Variants in PITPNC1 observed in about 807,000 individuals in gnomAD.
The protein encoded by PITPNC1 is cytoplasmic phosphatidylinositol transfer protein 1.
PITPNC1 carries 18 observed loss-of-function variants against 44.7 expected under a neutral mutation model. The ratio of observed to expected loss-of-function variants is 0.40; its 90% CI spans 0.28 to 0.60. PITPNC1 has a LOEUF of 0.60. Ranked by LOEUF, PITPNC1 falls within the 20% of genes least tolerant of loss-of-function variation. The pLI, the probability that PITPNC1 is intolerant of heterozygous loss-of-function variation, is 0.39. For missense variants in PITPNC1, 290 were observed against 418.4 expected (o/e 0.69, Z 2.68); for synonymous variants, 141 against 149.6 (o/e 0.94, Z 0.42).
chr17:67,583,895 GTT>G (rs869109859), intron 5 of PITPNC1, among the ~76,000 whole-genome samples: 23,239 of 136,228 alleles, frequency 0.17, 2,132 homozygotes, highest in South Asian at 0.26. Context: ...GTGTGTGTGT[GTT>G]TGTGTGTGTG....
chr17:67,499,166 C>T (rs1189943548), intron 1 of PITPNC1, among the ~76,000 whole-genome samples: 2 of 151,346 alleles, frequency 1.3e-5, no homozygotes, highest in East Asian at 3.9e-4. Context: ...GAGCCACGTG[C>T]CCAGCCCGTA....
At chr17:67,625,734 G>T (rs1462644869) in intron 5 of PITPNC1, among the ~76,000 whole-genome samples, 1 of 152,154 alleles carries the variant, frequency 6.6e-6, no homozygotes, top group East Asian at 1.9e-4. Context: ...AAGCCAAGGA[G>T]CAAGACAGAG....
chr17:67,653,075 A>T (rs1375634524), intron 6 of PITPNC1, among the ~76,000 whole-genome samples: 1 of 152,158 alleles, frequency 6.6e-6, no homozygotes, highest in Admixed American at 6.5e-5. Flanking sequence ...TGAGGTCAGG[A>T]GTTCAAGACC....
At chr17:67,635,018 G>A (rs901204212) in intron 6 of PITPNC1, among the ~76,000 whole-genome samples, 10 of 152,162 alleles carry the variant, frequency 6.6e-5, no homozygotes, top group African/African-American at 2.4e-4. Context: ...AGGAGGCGGT[G>A]GTTACAGTGA....
intron 1 of PITPNC1, among the ~76,000 whole-genome samples, chr17:67,436,908 G>GTTTTTTT (rs1044625193): frequency 1.3e-4 from 9 of 68,458 alleles, no homozygotes; most frequent in South Asian, 6.3e-4. Context: ...AAATAGGGGT[G>GTTTTTTT]TTTTTTTTTT....
chr17:67,380,361 C>T (rs1183480593), intron 1 of PITPNC1, among the ~76,000 whole-genome samples: 2 of 152,198 alleles, frequency 1.3e-5, no homozygotes, highest in Non-Finnish European at 1.5e-5. Context: ...AGGCATGAGC[C>T]ACTGCGCCCA....
chr17:67,668,883 A>C (rs1419494864), intron 6 of PITPNC1, among the ~76,000 whole-genome samples: 2 of 152,160 alleles, frequency 1.3e-5, no homozygotes, highest in East Asian at 3.9e-4. Context: ...AGAAAGAAAA[A>C]AAGAGAAAAG....
rs1380540532 is a variant in PITPNC1, at chr17:67,631,673, A to ATATAT, written c.367-470_367-469insTATAT. On this transcript the variant is annotated intron_variant, in intron 5 of 8. Coordinates refer to ENST00000581322, the MANE Select transcript of PITPNC1 (RefSeq NM_012417.4). ...AAAAAAAAAAATATATATATATATA[A>ATATAT]AATATATATTTTTAACATATATATA... 4.1e-3 allele frequency among the ~76,000 whole-genome samples: 214 copies of ATATAT among 52,482 alleles called. 4 individuals carry two copies. Among genetic ancestry groups the ATATAT allele is most frequent in the African/African-American group, 0.01 (166 of 15,956 alleles). The allele number at this position is 52,482 out of a possible 152,430, so 34.4% of individuals were successfully genotyped here.
chr17:67,387,293 CT>C (rs1181326294), intron 1 of PITPNC1, among the ~76,000 whole-genome samples: 1 of 152,230 alleles, frequency 6.6e-6, no homozygotes, highest in Non-Finnish European at 1.5e-5. Context: ...TTATACCAAA[CT>C]CATGGGTTTA....
chr17:67,451,095 G>A (rs539908556), intron 1 of PITPNC1, among the ~76,000 whole-genome samples: 3 of 152,146 alleles, frequency 2.0e-5, no homozygotes, highest in East Asian at 1.9e-4. Flanking sequence ...GCAGTGGCAC[G>A]ATCTTGGCTC....
chr17:67,532,813 A>G lies in PITPNC1; in HGVS notation c.60A>G (p.Gly20=). The G allele has an allele frequency of 6.4e-7, 1 of 1,565,338 alleles. No homozygotes were observed. The highest frequency in any genetic ancestry group is 8.7e-7 in the Non-Finnish European group (1 of 1,154,994). ...MPLTVDEYKI[G]QLYMISKHSH... ...ACTCTGTTTTGTAGTACAAAATTGG[A>G]CAGCTGTACATGATCAGCAAACACA... is the stretch of plus-strand genomic sequence containing the variant. The change falls in exon 2 of 9, where the codon GGA becomes GGG. Residue 20 remains glycine, a synonymous_variant. Coordinates refer to ENST00000581322, the MANE Select transcript of PITPNC1 (RefSeq NM_012417.4).
chr17:67,593,562 C>G (rs553886869), intron 5 of PITPNC1, among the ~76,000 whole-genome samples: 138 of 152,190 alleles, frequency 9.1e-4, no homozygotes, highest in South Asian at 5.6e-3. Flanking sequence ...CCACACTATG[C>G]TAATTTTTAC....
intron 8 of PITPNC1, among the ~76,000 whole-genome samples, chr17:67,682,884 G>A (rs571833902): frequency 6.6e-5 from 10 of 152,212 alleles, no homozygotes; most frequent in African/African-American, 1.9e-4. Context: ...AGTTTGGGCC[G>A]GGTGTGGTGG....
intron 5 of PITPNC1, among the ~76,000 whole-genome samples, chr17:67,593,917 G>A (rs1480196885): frequency 6.6e-6 from 1 of 152,138 alleles, no homozygotes; most frequent in Admixed American, 6.6e-5. Flanking sequence ...ATAAGGCACA[G>A]CTTTGCTGTT....
chr17:67,609,272 GTTC>G (rs1298618886), intron 5 of PITPNC1, among the ~76,000 whole-genome samples: 4 of 143,168 alleles, frequency 2.8e-5, no homozygotes, highest in East Asian at 2.1e-4. Flanking sequence ...AGTTGGTCAT[GTTC>G]TTCTTCTTCT....
intron 4 of PITPNC1, among the ~76,000 whole-genome samples, chr17:67,565,935 G>A (rs1189045665): frequency 6.6e-6 from 1 of 151,522 alleles, no homozygotes; most frequent in East Asian, 1.9e-4. Context: ...GTTTTTCGAT[G>A]TGTATACTAG....
At chr17:67,505,505 G>T (rs566368623) in intron 1 of PITPNC1, among the ~76,000 whole-genome samples, 1 of 152,150 alleles carries the variant, frequency 6.6e-6, no homozygotes, top group African/African-American at 2.4e-5. Flanking sequence ...TTGTTTTAAA[G>T]TCTACTTTGT....
rs1277850151 is a variant in PITPNC1 at position 67,501,203 on chromosome 17, G to A, written c.49-31599G>A. ...GGCCACCTAGAGGATAGCATTTCAT[G>A]CATCGCAGTTCGAGTGAATTCTCTT... is the stretch of plus-strand genomic sequence containing the variant. On this transcript the variant is annotated intron_variant, in intron 1 of 8. Transcript: ENST00000581322. Among the ~76,000 whole-genome samples, 5 of 152,176 alleles carry A rather than the reference G, an allele frequency of 3.3e-5. No homozygotes were observed. The South Asian group carries it at 1.0e-3, about 32-fold the overall frequency.
At chr17:67,572,897 A>T (rs903639459) in intron 4 of PITPNC1, among the ~76,000 whole-genome samples, 1 of 152,112 alleles carries the variant, frequency 6.6e-6, no homozygotes, top group Non-Finnish European at 1.5e-5. Flanking sequence ...GAAGAAGGGG[A>T]TGTAAAGACG....
Sources: allele counts gnomAD v4.1 joint callset (sites outside exome capture counted in the v4.1 genomes callset), GRCh38; gene constraint gnomAD v4.1.1; transcripts MANE v1.5; gene names NCBI Gene and HGNC (gene_info 2026-07-23, HGNC 2026-07-21).